The following GTF2IRD1 variants were observed in gnomAD, a reference collection of about 807,000 sequenced individuals.
The protein encoded by GTF2IRD1 is general transcription factor II-I repeat domain-containing protein 1.
In GTF2IRD1, 26 loss-of-function variants were observed where a neutral mutation model predicts 113.2. That is an observed-to-expected ratio of 0.23 (90% CI 0.17 to 0.32). The LOEUF is 0.32. Ranked by LOEUF, GTF2IRD1 falls within the 10% of genes least tolerant of loss-of-function variation. The pLI, the probability that GTF2IRD1 is intolerant of heterozygous loss-of-function variation, is 1.00. For missense variants in GTF2IRD1, 864 were observed against 1,280.8 expected (o/e 0.67, Z 4.97); for synonymous variants, 484 against 529.1 (o/e 0.91, Z 1.17).
At chr7:74,572,690 AC>A (rs1295467322) in intron 22 of GTF2IRD1, 1 of 217,162 alleles carries the variant, frequency 4.6e-6, no homozygotes, top group African/African-American at 2.4e-5. Flanking sequence ...CCCCCTCTCT[AC>A]CCTTCCAACT....
Position 74,555,288 on chromosome 7 carries a change from C to A in GTF2IRD1, c.1966+65C>A. 6.6e-7 allele frequency: 1 copy of A among 1,513,160 alleles called. No homozygotes were observed. The highest frequency in any genetic ancestry group is 1.1e-5 in the South Asian group (1 of 87,992). 93.7% of individuals were successfully genotyped at this position (1,513,160 alleles called of 1,614,324 possible). On this transcript the variant is annotated intron_variant, in intron 18 of 26. Coordinates refer to ENST00000424337, the MANE Select transcript of GTF2IRD1 (RefSeq NM_005685.4). This position sits in a 1 kb window ranked among gnomAD's most constrained non-coding sequence, Gnocchi z 5.3. ...AAGGGAGGGCCCCAGGCCTCTGCCA[C>A]CAGCCCCTCCTCCTGCTGCCTCTGT...
intron 24 of GTF2IRD1, among the ~76,000 whole-genome samples, chr7:74,592,250 C>A (rs1554369962): frequency 6.6e-6 from 1 of 151,866 alleles, no homozygotes; most frequent in Non-Finnish European, 1.5e-5. Flanking sequence ...CAGGCACACG[C>A]TACCACACCT....
At chr7:74,581,712 G>A (rs1204381867) in intron 22 of GTF2IRD1, among the ~76,000 whole-genome samples, 12 of 152,202 alleles carry the variant, frequency 7.9e-5, no homozygotes, top group African/African-American at 1.7e-4. Context: ...GCAGCTCTCC[G>A]AGATGCTCAG....
At chr7:74,552,678 A>G (rs587748260) in intron 17 of GTF2IRD1, among the ~76,000 whole-genome samples, 1 of 152,266 alleles carries the variant, frequency 6.6e-6, no homozygotes, top group South Asian at 2.1e-4. Context: ...ATTCCCTCAA[A>G]CCATAAACTA....
chr7:74,523,115 A>G (rs1664404088), intron 7 of GTF2IRD1, among the ~76,000 whole-genome samples: 2 of 152,186 alleles, frequency 1.3e-5, no homozygotes, highest in South Asian at 4.1e-4. Context: ...GCCACTCAGG[A>G]GGCTGAAATG....
chr7:74,515,438 C>T lies in GTF2IRD1; in HGVS notation c.266-3C>T, dbSNP rs782395460. ...GTGGCCTCGCGTGCTCTGTGTCCCA[C>T]AGGAGGGCCCCCGTGGAAGGATCCG... On this transcript the variant is annotated splice_region_variant and splice_polypyrimidine_tract_variant and intron_variant, in intron 3 of 26. Coordinates refer to ENST00000424337, the MANE Select transcript of GTF2IRD1 (RefSeq NM_005685.4). The T allele has an allele frequency of 4.4e-6, 7 of 1,579,116 alleles. No individual in the cohort carries two copies. In the Admixed American group the frequency reaches 5.5e-5, roughly 12 times the overall value.
chr7:74,510,140 C>G lies in GTF2IRD1; in HGVS notation c.123+1937C>G, dbSNP rs560353807. On this transcript the variant is annotated intron_variant, in intron 2 of 26. Coordinates refer to ENST00000424337, the MANE Select transcript of GTF2IRD1 (RefSeq NM_005685.4). ...GAAAAGGGGCTGGGTGCCACACTCT[C>G]TCCATGATGACCCCTCCCCTATGCA... 4.4e-4 allele frequency among the ~76,000 whole-genome samples: 67 copies of G among 152,198 alleles called. No individual in the cohort carries two copies. The South Asian group carries it at 6.4e-3, about 15-fold the overall frequency.
At chr7:74,579,768 G>A (rs1334510918) in intron 22 of GTF2IRD1, among the ~76,000 whole-genome samples, 1 of 152,120 alleles carries the variant, frequency 6.6e-6, no homozygotes, top group Non-Finnish European at 1.5e-5. Flanking sequence ...TATAGAGATG[G>A]GATCTTGCTA....
At chr7:74,480,893 G>C (rs868988112) in intron 1 of GTF2IRD1, among the ~76,000 whole-genome samples, 1 of 152,132 alleles carries the variant, frequency 6.6e-6, no homozygotes, top group Non-Finnish European at 1.5e-5. Flanking sequence ...CGTCCTCCAC[G>C]TGGAGGAAGG....
chr7:74,593,768 GTGGCA>G (rs2131032695), intron 24 of GTF2IRD1, among the ~76,000 whole-genome samples: 1 of 151,544 alleles, frequency 6.6e-6, no homozygotes, highest in South Asian at 2.1e-4. Context: ...GCTAAGTGTG[GTGGCA>G]TGTGCCTGTA....
intron 1 of GTF2IRD1, among the ~76,000 whole-genome samples, chr7:74,457,940 G>A (rs1342604297): frequency 4.0e-5 from 6 of 149,702 alleles, no homozygotes; most frequent in African/African-American, 9.9e-5. Flanking sequence ...ATGCAGTGGC[G>A]CCATCTCGGC....
At position 74,557,675 on chromosome 7, in the gene GTF2IRD1, C is replaced by T; in HGVS notation, c.2060C>T (p.Ala687Val). 1 of 1,613,594 alleles carries T rather than the reference C, an allele frequency of 6.2e-7. No homozygotes were observed. The highest frequency in any genetic ancestry group is 8.5e-7 in the Non-Finnish European group (1 of 1,179,628). The stretch of plus-strand genomic sequence containing the variant: ...GCGAGGCTCTCACGGATCGACATCG[C>T]CAACACACTAAGGGAGCAGGTCCAG... ...YDARLSRIDI[A>V]NTLREQVQDL... The change falls in exon 20 of 27, where the codon GCC (alanine) becomes GTC (valine). Residue 687 changes from alanine (A) to valine (V), a missense_variant. Transcript: ENST00000424337.
intron 22 of GTF2IRD1, chr7:74,572,652 C>T (rs782449796): frequency 2.2e-5 from 12 of 535,334 alleles, no homozygotes; most frequent in Non-Finnish European, 2.9e-5. Context: ...ACCCTCTGGC[C>T]CCTGCCTCCC....
At chr7:74,463,748 G>C (rs1207583164) in intron 1 of GTF2IRD1, among the ~76,000 whole-genome samples, 1 of 149,902 alleles carries the variant, frequency 6.7e-6, no homozygotes, top group Non-Finnish European at 1.5e-5. Flanking sequence ...TTTTGAGACA[G>C]AGTCTCACTC....
At chr7:74,557,815 GA>G (rs1374461290) in intron 20 of GTF2IRD1, 93 bp downstream of exon 20, 8 of 748,322 alleles carry the variant, frequency 1.1e-5, no homozygotes, top group Non-Finnish European at 1.8e-5. Context: ...CATTTCTGGG[GA>G]AACAATTCAC....
chr7:74,535,187 C>A (rs782310236), intron 10 of GTF2IRD1, 49 bp downstream of exon 10: 9 of 1,506,962 alleles, frequency 6.0e-6, no homozygotes, highest in Non-Finnish European at 1.8e-6. Context: ...ATTGGTTCCC[C>A]AACAGAACCC....
intron 1 of GTF2IRD1, among the ~76,000 whole-genome samples, chr7:74,458,850 T>G (rs1554328195): frequency 9.5e-6 from 1 of 105,000 alleles, no homozygotes; most frequent in African/African-American, 4.3e-5. Context: ...AGACGGGGTT[T>G]CACCATGTTC....
chr7:74,524,668 C>T (rs587704443), intron 8 of GTF2IRD1, among the ~76,000 whole-genome samples: 5 of 152,280 alleles, frequency 3.3e-5, no homozygotes, highest in African/African-American at 1.2e-4. Context: ...GAGTTCAAGG[C>T]CAGCCTGGCC....
At chr7:74,488,851 A>G (rs894402536) in intron 1 of GTF2IRD1, among the ~76,000 whole-genome samples, 2 of 151,854 alleles carry the variant, frequency 1.3e-5, no homozygotes, top group Non-Finnish European at 2.9e-5. Context: ...CTTAAGAAAT[A>G]TGGACTTTTG....
Sources: gnomAD v4.1 joint callset for allele counts (sites outside exome capture counted in the v4.1 genomes callset) on GRCh38, gnomAD v4.1.1 for gene constraint, Gnocchi (gnomAD v3.1) non-coding constraint, MANE v1.5 for transcripts, NCBI Gene and HGNC (gene_info 2026-07-23, HGNC 2026-07-21) for gene names.